Variants in NRXN2 observed in about 807,000 individuals in gnomAD.
NRXN2 encodes neurexin-2-beta.
A neutral mutation model predicts 128.8 loss-of-function variants in NRXN2; 29 were observed. The ratio of observed to expected loss-of-function variants is 0.23; its 90% CI spans 0.17 to 0.31. NRXN2 has a LOEUF of 0.31. Among genes scored for constraint, NRXN2 ranks in the 10% least tolerant of loss-of-function variants. NRXN2 has a pLI of 1.00. For missense variants in NRXN2, 1,881 were observed against 2,452.6 expected, an observed-to-expected ratio of 0.77 and a Z score of 4.92; for synonymous variants, 1,098 against 1,075.2, an observed-to-expected ratio of 1.02 and a Z score of -0.41.
In NRXN2 at chr11:64,712,128, A is replaced by G. The variant is rs74428515; in HGVS notation, c.730+842T>C. Among the ~76,000 whole-genome samples the G allele has an allele frequency of 5.0e-3, 756 of 152,000 alleles. 10 individuals are homozygous for G. The highest frequency in any genetic ancestry group is 7.8e-3 in the Non-Finnish European group (530 of 67,932). On this transcript the variant is annotated intron_variant, in intron 2 of 22. Coordinates refer to ENST00000265459, the MANE Select transcript of NRXN2 (RefSeq NM_015080.4). ...CACACGGCCTCGCCCCCTGTCTCGT[A>G]GGCCCTGCCCACACTGGCCTTTCCA...
At chr11:64,641,086 C>A (rs1407058243) in intron 17 of NRXN2, among the ~76,000 whole-genome samples, 1 of 152,020 alleles carries the variant, frequency 6.6e-6, no homozygotes, top group Non-Finnish European at 1.5e-5. Context: ...GATGAAGGCA[C>A]AGCGATGAGA....
Position 64,660,633 on chromosome 11 carries a change from C to A in NRXN2, c.2186-98G>T. On this transcript the variant is annotated intron_variant, in intron 10 of 22. Coordinates refer to ENST00000265459, the MANE Select transcript of NRXN2 (RefSeq NM_015080.4). The surrounding 1 kb of genome is among the most constrained non-coding windows in gnomAD (Gnocchi z 5.2). Reference sequence around the variant, plus strand: ...CATTACAAGGGCGAAAAGCCTAGGGCAGGTCTATGAGGGGTTCCCCTAGGA... The same window carrying A: ...CATTACAAGGGCGAAAAGCCTAGGGAAGGTCTATGAGGGGTTCCCCTAGGA... 4.4e-6 allele frequency: 7 copies of A among 1,587,444 alleles called. No individual in the cohort carries two copies. The highest frequency in any genetic ancestry group is 6.0e-6 in the Non-Finnish European group (7 of 1,164,216).
intron 2 of NRXN2, among the ~76,000 whole-genome samples, chr11:64,706,997 G>A (rs2056402892): frequency 6.7e-6 from 1 of 148,220 alleles, no homozygotes; most frequent in Admixed American, 6.8e-5. Flanking sequence ...TGTCAGCCAG[G>A]TTGGAGTGCA....
rs138598796 is a variant in NRXN2, at chr11:64,619,958, C to T, written c.4252+336G>A. ...CTGATGGGAGTTGTAGTTCCTAAGC[C>T]ATGTTCACCCTCCCCCACCCCAGGG... is the stretch of plus-strand genomic sequence containing the variant. On this transcript the variant is annotated intron_variant, in intron 22 of 22. Coordinates refer to ENST00000265459, the MANE Select transcript of NRXN2 (RefSeq NM_015080.4). Among the ~76,000 whole-genome samples, 930 of 152,188 alleles carry T rather than the reference C, an allele frequency of 6.1e-3. 3 individuals are homozygous for T. Among genetic ancestry groups the T allele is most frequent in the Middle Eastern group, 0.02 (6 of 294 alleles).
intron 5 of NRXN2, among the ~76,000 whole-genome samples, chr11:64,687,309 G>A (rs2053193415): frequency 6.6e-6 from 1 of 152,032 alleles, no homozygotes; most frequent in South Asian, 2.1e-4. Flanking sequence ...CAGTGGGGTG[G>A]TGGCGGGGGG....
intron 22 of NRXN2, among the ~76,000 whole-genome samples, chr11:64,613,252 G>A (rs2040953190): frequency 6.6e-6 from 1 of 152,272 alleles, no homozygotes; most frequent in Admixed American, 6.5e-5. Flanking sequence ...GTGCATGTCA[G>A]TGAGTGGACC....
chr11:64,629,380 T>C (rs1055116071), intron 19 of NRXN2, among the ~76,000 whole-genome samples: 2 of 152,194 alleles, frequency 1.3e-5, no homozygotes, highest in African/African-American at 4.8e-5. Context: ...CCCAAGGCTC[T>C]GTCCACCTCT....
intron 11 of NRXN2, among the ~76,000 whole-genome samples, chr11:64,653,997 A>T (rs1346831575): frequency 6.6e-6 from 1 of 152,114 alleles, no homozygotes; most frequent in Non-Finnish European, 1.5e-5. Context: ...CTTAGAGGGT[A>T]CCAGGCCTCT....
intron 20 of NRXN2, among the ~76,000 whole-genome samples, chr11:64,624,762 T>C (rs368468159): frequency 2.0e-5 from 3 of 152,226 alleles, no homozygotes; most frequent in African/African-American, 4.8e-5. Flanking sequence ...ATCTCTCTAT[T>C]GTGAAGCATC....
At chr11:64,642,996 G>A in intron 17 of NRXN2, 14 of 1,010,440 alleles carry the variant, frequency 1.4e-5, no homozygotes, top group African/African-American at 1.7e-5. Context: ...TCGGGGGTCC[G>A]CGGAGCGGCA....
chr11:64,701,884 C>T (rs2055436124), intron 2 of NRXN2, among the ~76,000 whole-genome samples: 1 of 133,242 alleles, frequency 7.5e-6, no homozygotes, highest in Non-Finnish European at 1.6e-5. Flanking sequence ...CGGCCAGCCG[C>T]TCTGTCCGGG....
intron 2 of NRXN2, among the ~76,000 whole-genome samples, chr11:64,702,215 C>A (rs549061236): frequency 6.6e-6 from 1 of 151,494 alleles, no homozygotes; most frequent in East Asian, 2.0e-4. Flanking sequence ...CCGCCCCGTC[C>A]GGGAGGTGAG....
intron 5 of NRXN2, among the ~76,000 whole-genome samples, chr11:64,687,552 C>T (rs1473007768): frequency 1.3e-5 from 2 of 152,186 alleles, no homozygotes; most frequent in Admixed American, 6.5e-5. Flanking sequence ...CAGTCTGAAT[C>T]CCTTCCTCTG....
intron 7 of NRXN2, among the ~76,000 whole-genome samples, chr11:64,670,539 G>C (rs922404280): frequency 6.6e-6 from 1 of 152,102 alleles, no homozygotes; most frequent in African/African-American, 2.4e-5. Context: ...CCTCCACTCT[G>C]CCTGATGCTG....
intron 5 of NRXN2, among the ~76,000 whole-genome samples, chr11:64,686,357 G>A (rs12285502): frequency 0.025 from 3,739 of 152,216 alleles, 154 homozygotes; most frequent in African/African-American, 0.083. Flanking sequence ...TGCTCCTCCC[G>A]TATGGCAGGG....
At chr11:64,659,473 G>A (rs1252218615) in intron 11 of NRXN2, 1 of 152,322 alleles carries the variant, frequency 6.6e-6, no homozygotes, top group East Asian at 1.9e-4. Context: ...CAGGTGAAGT[G>A]GAGTCAAGGC....
intron 9 of NRXN2, among the ~76,000 whole-genome samples, chr11:64,661,597 C>T (rs1437821262): frequency 6.6e-6 from 1 of 152,188 alleles, no homozygotes. Flanking sequence ...TTTCCCCCCA[C>T]AAACATTTAT....
In NRXN2 at chr11:64,651,451, C is replaced by T; in HGVS notation, c.2722G>A (p.Ala908Thr). 6.2e-7 allele frequency: 1 copy of T among 1,614,152 alleles called. No homozygotes were observed. The highest frequency in any genetic ancestry group is 8.5e-7 in the Non-Finnish European group (1 of 1,180,016). The change falls in exon 14 of 23, where the codon GCT (alanine) becomes ACT (threonine). Residue 908 changes from alanine (A) to threonine (T), a missense_variant. Around this residue, in one of 7 missense-constraint regions of NRXN2, gnomAD observed 390 missense variants for 599.6 expected, o/e 0.65. Transcript: ENST00000265459. This position sits in a 1 kb window ranked among gnomAD's most constrained non-coding sequence, Gnocchi z 5.9. The stretch of plus-strand genomic sequence containing the variant: ...ACGATGGCACGCAGGCCAAAGCGAG[C>T]ATTGAGCTCACAGTAGGTGATGTCA... ...DGDITYCELN[A>T]RFGLRAIVAD...
At chr11:64,705,555 C>G (rs1177299419) in intron 2 of NRXN2, among the ~76,000 whole-genome samples, 1 of 151,926 alleles carries the variant, frequency 6.6e-6, no homozygotes, top group Non-Finnish European at 1.5e-5. Flanking sequence ...CCTCTGAAGT[C>G]TTGTGCTCAA....
Sources: allele counts gnomAD v4.1 joint callset (sites outside exome capture counted in the v4.1 genomes callset), GRCh38; gene constraint gnomAD v4.1.1; regional missense constraint gnomAD v4.1.1; non-coding constraint Gnocchi (gnomAD v3.1); transcripts MANE v1.5; gene names NCBI Gene and HGNC (gene_info 2026-07-23, HGNC 2026-07-21).